The following PCDHA5 variants were observed in gnomAD, a reference collection of about 807,000 sequenced individuals.
PCDHA5 encodes protocadherin alpha-5.
A neutral mutation model predicts 61.6 loss-of-function variants in PCDHA5; 43 were observed. The ratio of observed to expected loss-of-function variants is 0.70; its 90% confidence interval spans 0.55 to 0.90. The LOEUF (loss-of-function observed/expected upper bound fraction) is 0.90, where lower values mean the gene tolerates loss of function less well. PCDHA5 is among the 40% of genes least tolerant of loss of function. The pLI is 0.00. For synonymous variants in PCDHA5, 627 were observed against 543.9 expected, an observed-to-expected ratio of 1.15 and a Z score of -2.13; for missense variants, 1,298 against 1,222.7, an observed-to-expected ratio of 1.06 and a Z score of -0.92.
rs116814228 is a variant in PCDHA5, at chr5:140,916,284, C to T, written c.2353-62665C>T. ...AGAGCATGCTTGTTGCTCTACTCCACGTGGCCAAACTGGTACCAAAGGTGC... is the reference window on the plus strand; with the variant it reads ...AGAGCATGCTTGTTGCTCTACTCCATGTGGCCAAACTGGTACCAAAGGTGC... On this transcript the variant is annotated intron_variant, in intron 1 of 3. Coordinates refer to ENST00000529859, the MANE Select transcript of PCDHA5 (RefSeq NM_018908.3). Among the ~76,000 whole-genome samples the T allele has an allele frequency of 8.7e-3, 1,322 of 152,308 alleles. 14 individuals carry two copies. The highest frequency in any genetic ancestry group is 0.03 in the African/African-American group (1,254 of 41,566).
At position 140,943,090 on chromosome 5, in the gene PCDHA5, C is replaced by A. The variant is rs554425182; in HGVS notation, c.2353-35859C>A. On this transcript the variant is annotated intron_variant, in intron 1 of 3. Coordinates refer to ENST00000529859, the MANE Select transcript of PCDHA5 (RefSeq NM_018908.3). The stretch of plus-strand genomic sequence containing the variant: ...TGACCAACATGGTGAAATCCTGCCT[C>A]TACTAAAAAATACAAAAATTAGCCA... Among the ~76,000 whole-genome samples the A allele has an allele frequency of 1.8e-4, 27 of 151,656 alleles. No homozygotes were observed. The South Asian group carries it at 2.5e-3, about 14-fold the overall frequency.
At chr5:140,924,572 A>G (rs1345446158) in intron 1 of PCDHA5, among the ~76,000 whole-genome samples, 1 of 152,132 alleles carries the variant, frequency 6.6e-6, no homozygotes, top group African/African-American at 2.4e-5. Flanking sequence ...CAATTTTTAA[A>G]TGTTTTCAAA....
intron 1 of PCDHA5, chr5:140,848,633 C>T (rs1554142316): frequency 1.9e-6 from 3 of 1,593,314 alleles, no homozygotes; most frequent in Non-Finnish European, 2.6e-6. Context: ...CCTTCGTGGG[C>T]CGCATCGCGC....
At chr5:140,969,057 T>G in intron 1 of PCDHA5, 2 of 1,614,162 alleles carry the variant, frequency 1.2e-6, no homozygotes, top group Non-Finnish European at 1.7e-6. Context: ...AACAACAATA[T>G]TGATGCCAGG....
intron 1 of PCDHA5, among the ~76,000 whole-genome samples, chr5:140,846,008 T>C (rs1253798347): frequency 1.3e-5 from 2 of 149,708 alleles, no homozygotes; most frequent in African/African-American, 2.4e-5. Context: ...ATGAAAAAAA[T>C]CTAAAAGTTA....
chr5:140,988,051 T>C (rs903060920), intron 3 of PCDHA5, among the ~76,000 whole-genome samples: 2 of 152,240 alleles, frequency 1.3e-5, no homozygotes, highest in African/African-American at 2.4e-5. Flanking sequence ...TTAGGAGCAC[T>C]GTCAACATGA....
rs146587864 is a variant in PCDHA5 at position 140,950,030 on chromosome 5, A to G, written c.2353-28919A>G. Among the ~76,000 whole-genome samples the G allele has an allele frequency of 2.6e-4, 39 of 152,064 alleles. 1 individual carries two copies. The East Asian group carries it at 4.8e-3, about 19-fold the overall frequency. On this transcript the variant is annotated intron_variant, in intron 1 of 3. Transcript: ENST00000529859. ...TGTACAACCTTCATAAAATATAGAA[A>G]AGTTACAACCATATAAGACTATTTA...
At chr5:140,877,143 C>G (rs782522652) in intron 1 of PCDHA5, 2 of 1,613,668 alleles carry the variant, frequency 1.2e-6, no homozygotes, top group African/African-American at 2.7e-5. Context: ...TCGTGCTGGA[C>G]GAGAACGACA....
At chr5:140,854,577 T>A (rs1402971625) in intron 1 of PCDHA5, 1 of 149,930 alleles carries the variant, frequency 6.7e-6, no homozygotes, top group African/African-American at 2.4e-5. Context: ...TCATTCAGAT[T>A]TTAATAAAAA....
chr5:140,877,544 C>T (rs782624202), intron 1 of PCDHA5: 2 of 1,613,794 alleles, frequency 1.2e-6, no homozygotes, highest in Non-Finnish European at 1.7e-6. Context: ...GATCCCGAAG[C>T]GGCTCTGGTG....
At chr5:140,901,181 G>A (rs2068491755) in intron 1 of PCDHA5, among the ~76,000 whole-genome samples, 1 of 152,010 alleles carries the variant, frequency 6.6e-6, no homozygotes, top group African/African-American at 2.4e-5. Flanking sequence ...TTTGTTGATT[G>A]TTTGCTTTTC....
At chr5:140,882,228 T>C in intron 1 of PCDHA5, 8 of 1,564,682 alleles carry the variant, frequency 5.1e-6, no homozygotes, top group Non-Finnish European at 6.9e-6. Flanking sequence ...GGTAAGGCGT[T>C]GTATATATTG....
At chr5:140,858,338 A>G (rs1323713253) in intron 1 of PCDHA5, 2 of 1,595,638 alleles carry the variant, frequency 1.3e-6, no homozygotes, top group African/African-American at 2.7e-5. Context: ...GGGCCTGCCC[A>G]AGGCGGACCT....
intron 1 of PCDHA5, among the ~76,000 whole-genome samples, chr5:140,924,892 C>A: frequency 1.2e-5 from 1 of 82,680 alleles, no homozygotes; most frequent in Admixed American, 1.2e-4. Context: ...AAGAACCTGT[C>A]TCAAAAAAAA....
chr5:140,967,665 C>A, intron 1 of PCDHA5: 1 of 1,614,154 alleles, frequency 6.2e-7, no homozygotes, highest in Non-Finnish European at 8.5e-7. Context: ...AGCAGCTACA[C>A]GTCGGACCGG....
chr5:141,009,239 G>T (rs1416549332), intron 3 of PCDHA5, among the ~76,000 whole-genome samples: 2 of 152,186 alleles, frequency 1.3e-5, no homozygotes, highest in Admixed American at 1.3e-4. Context: ...AGGATCTCTT[G>T]AGCTTCAGTG....
At chr5:140,836,425 G>T (rs2150260582) in intron 1 of PCDHA5, 4 of 1,613,790 alleles carry the variant, frequency 2.5e-6, no homozygotes, top group African/African-American at 1.3e-5. Context: ...GCGTCGTCGC[G>T]GGCATCGTTG....
intron 1 of PCDHA5, among the ~76,000 whole-genome samples, chr5:140,923,218 TCG>T (rs1584297306): frequency 7.4e-6 from 1 of 135,282 alleles, no homozygotes; most frequent in Non-Finnish European, 1.7e-5. Flanking sequence ...GGTGAAAGGA[TCG>T]TTTGAGCCCA....
chr5:140,823,125 C>A lies in PCDHA5; in HGVS notation c.1350C>A (p.Asn450Lys), dbSNP rs2150122536. 13 of 1,614,046 alleles carry A rather than the reference C, an allele frequency of 8.1e-6. 1 individual carries two copies. The South Asian group carries it at 9.9e-5, about 12-fold the overall frequency. ...TGGAAGTGGCCGACGTGAACGACAA[C>A]GCTCCGGCGTTCGCGCAGCCCCAGT... is the stretch of plus-strand genomic sequence containing the variant. ...VSVEVADVND[N>K]APAFAQPQYT... Residue 450 changes from asparagine to lysine, a missense_variant, in exon 1 of 4, where the codon AAC becomes AAA. Transcript: ENST00000529859.
Sources: allele counts gnomAD v4.1 joint callset (sites outside exome capture counted in the v4.1 genomes callset), GRCh38; gene constraint gnomAD v4.1.1; transcripts MANE v1.5; gene names NCBI Gene and HGNC (gene_info 2026-07-23, HGNC 2026-07-21).